The following ITPK1 variants were observed in gnomAD, a reference collection of about 807,000 sequenced individuals.
The protein encoded by ITPK1 is inositol-tetrakisphosphate 1-kinase.
Under a neutral mutation model 45.3 loss-of-function variants are expected in ITPK1, and 21 were observed. The ratio of observed to expected loss-of-function variants is 0.46; its 90% CI spans 0.33 to 0.67. The LOEUF is 0.67. Among genes scored for constraint, ITPK1 ranks in the 30% least tolerant of loss-of-function variants. The probability of loss-of-function intolerance (pLI) is 0.02; values close to 1 mark genes in which losing one functional copy is unlikely to be tolerated. For synonymous variants in ITPK1, 258 were observed against 253.6 expected, an observed-to-expected ratio of 1.02 and a Z score of -0.16; for missense variants, 474 against 573.5, an observed-to-expected ratio of 0.83 and a Z score of 1.77.
intron 3 of ITPK1, among the ~76,000 whole-genome samples, chr14:93,060,862 A>G (rs1890488484): frequency 6.6e-6 from 1 of 152,224 alleles, no homozygotes; most frequent in African/African-American, 2.4e-5. Context: ...TAGGGAGAAT[A>G]ATAAATAGAT....
At chr14:93,005,091 G>A (rs1214697356) in intron 4 of ITPK1, among the ~76,000 whole-genome samples, 2 of 152,072 alleles carry the variant, frequency 1.3e-5, no homozygotes, top group Non-Finnish European at 2.9e-5. Context: ...GGACAGCTAT[G>A]GGTTATGGAG....
Position 92,938,596 on chromosome 14 carries a change from G to A in ITPK1, c.*2965C>T. 7.6e-7 allele frequency: 1 copy of A among 1,318,076 alleles called. No homozygotes were observed. Among genetic ancestry groups the A allele is most frequent in the South Asian group, 1.2e-5 (1 of 82,898 alleles). The allele number at this position is 1,318,076 out of a possible 1,614,324, so 81.6% of individuals were successfully genotyped here. A position where few individuals can be genotyped will look rare whatever the true frequency, so the allele number is the denominator to read the frequency against. On this transcript the variant is annotated 3_prime_UTR_variant, in exon 11 of 11. Transcript: ENST00000267615. The stretch of plus-strand genomic sequence containing the variant: ...ATTGACAGGCATGAGACACAGGCAG[G>A]CCCAGGCACAGGAAGCCCCATGGAA...
intron 2 of ITPK1, among the ~76,000 whole-genome samples, chr14:93,082,531 C>A (rs1891479349): frequency 6.6e-6 from 1 of 152,212 alleles, no homozygotes; most frequent in Non-Finnish European, 1.5e-5. Context: ...GAAACAGAGT[C>A]CAGGCCTGGC....
intron 4 of ITPK1, among the ~76,000 whole-genome samples, chr14:92,996,412 A>G (rs1464724404): frequency 7.5e-6 from 1 of 133,712 alleles, no homozygotes; most frequent in Non-Finnish European, 1.6e-5. Context: ...GGTGGGGAAT[A>G]TCACACACCG....
chr14:93,015,805 G>A (rs1483513582), intron 4 of ITPK1, among the ~76,000 whole-genome samples: 1 of 152,226 alleles, frequency 6.6e-6, no homozygotes, highest in Non-Finnish European at 1.5e-5. Flanking sequence ...AACACACGGG[G>A]AGAGAACAGT....
intron 5 of ITPK1, among the ~76,000 whole-genome samples, chr14:92,980,631 A>G (rs565480190): frequency 6.6e-6 from 1 of 152,210 alleles, no homozygotes; most frequent in East Asian, 1.9e-4. Context: ...CTGGGGACTT[A>G]TTACTATTGG....
chr14:92,988,416 G>A (rs1886609387), intron 5 of ITPK1, among the ~76,000 whole-genome samples: 1 of 152,198 alleles, frequency 6.6e-6, no homozygotes, highest in Non-Finnish European at 1.5e-5. Context: ...AGCCCCCCGA[G>A]GGGCTAAGAT....
intron 4 of ITPK1, among the ~76,000 whole-genome samples, chr14:93,011,988 C>T (rs974374583): frequency 2.6e-5 from 4 of 150,998 alleles, no homozygotes; most frequent in Admixed American, 6.6e-5. Context: ...CTGGAGACAT[C>T]GCCGCACATG....
intron 8 of ITPK1, among the ~76,000 whole-genome samples, chr14:92,953,819 A>C (rs1356624268): frequency 6.6e-6 from 1 of 152,194 alleles, no homozygotes; most frequent in African/African-American, 2.4e-5. Context: ...GCAACACAAC[A>C]GTTTCTCCTG....
chr14:93,008,643 G>A (rs868013834), intron 4 of ITPK1, among the ~76,000 whole-genome samples: 12 of 152,200 alleles, frequency 7.9e-5, no homozygotes, highest in Admixed American at 2.6e-4. Context: ...TGGTTTACCC[G>A]GCCGGCTGTG....
rs1040842764 is a variant in ITPK1, at chr14:93,115,353, G to A, written c.-142-48C>T. The A allele has an allele frequency of 1.3e-4, 30 of 236,834 alleles. 1 individual carries two copies. The highest frequency in any genetic ancestry group is 2.1e-4 in the Non-Finnish European group (26 of 124,788). 14.7% of individuals were successfully genotyped at this position (236,834 alleles called of 1,614,324 possible). A position where few individuals can be genotyped will look rare whatever the true frequency, so the allele number is the denominator to read the frequency against. On this transcript the variant is annotated intron_variant, in intron 1 of 10. Transcript: ENST00000267615. ...GCGGGGCGCGGCGGGCGGCCGGGAG[G>A]AGGGAGCGGCGCTCAGCGCGGAAGG...
chr14:93,088,657 CTTTT>C (rs1167871848), intron 2 of ITPK1, among the ~76,000 whole-genome samples: 7 of 151,878 alleles, frequency 4.6e-5, no homozygotes, highest in Admixed American at 2.0e-4. Flanking sequence ...CACCAGGCCT[CTTTT>C]TTTATTTTTT....
chr14:92,975,952 G>A (rs1263883859), intron 5 of ITPK1, among the ~76,000 whole-genome samples: 1 of 152,160 alleles, frequency 6.6e-6, no homozygotes, highest in Non-Finnish European at 1.5e-5. Flanking sequence ...GGCTTTATAA[G>A]GGGCTCCCCC....
chr14:92,992,809 G>A (rs148809630), intron 5 of ITPK1, among the ~76,000 whole-genome samples: 2 of 152,374 alleles, frequency 1.3e-5, no homozygotes, highest in African/African-American at 4.8e-5. Flanking sequence ...GCTGCGTGAC[G>A]TGGCATGTCT....
chr14:92,993,734 A>G (rs1313989483), intron 5 of ITPK1, 146 bp downstream of exon 5: 3 of 616,554 alleles, frequency 4.9e-6, no homozygotes, highest in African/African-American at 3.7e-5. Flanking sequence ...CCTCCCCAGA[A>G]TGACTGCACC....
chr14:92,973,879 C>G (rs893435080), intron 5 of ITPK1, among the ~76,000 whole-genome samples: 21 of 152,212 alleles, frequency 1.4e-4, no homozygotes, highest in Non-Finnish European at 1.5e-4. Context: ...TGGATGCACC[C>G]TCACCACCAC....
Position 93,016,938 on chromosome 14 carries a change from G to A in ITPK1, c.121-137C>T, listed in dbSNP as rs2139856975. 1.8e-6 allele frequency: 2 copies of A among 1,134,318 alleles called. No individual in the cohort carries two copies. The highest frequency in any genetic ancestry group is 3.1e-5 in the African/African-American group (2 of 64,780). 70.3% of individuals were successfully genotyped at this position (1,134,318 alleles called of 1,614,324 possible). A position where few individuals can be genotyped will look rare whatever the true frequency, so the allele number is the denominator to read the frequency against. ...TAGCACTCTGGAGATGGGGCAGGAG[G>A]AGGGCTGACATGGAAAATACAGACA... On this transcript the variant is annotated intron_variant, in intron 3 of 10. Transcript: ENST00000267615. This position sits in a 1 kb window ranked among gnomAD's most constrained non-coding sequence, Gnocchi z 5.0.
chr14:93,010,132 G>A (rs1259287876), intron 4 of ITPK1, among the ~76,000 whole-genome samples: 1 of 152,092 alleles, frequency 6.6e-6, no homozygotes, highest in Non-Finnish European at 1.5e-5. Flanking sequence ...CCCTTCCCGG[G>A]GCCCATGGTT....
chr14:93,028,653 C>A (rs1888869973), intron 3 of ITPK1, among the ~76,000 whole-genome samples: 1 of 152,212 alleles, frequency 6.6e-6, no homozygotes, highest in African/African-American at 2.4e-5. Flanking sequence ...CAAGCCTGGC[C>A]CAGAGCAGGC....
Sources: allele counts gnomAD v4.1 joint callset (sites outside exome capture counted in the v4.1 genomes callset), GRCh38; gene constraint gnomAD v4.1.1; non-coding constraint Gnocchi (gnomAD v3.1); transcripts MANE v1.5; gene names NCBI Gene and HGNC (gene_info 2026-07-23, HGNC 2026-07-21).